The following UNC13C variants were observed in gnomAD, a reference collection of about 807,000 sequenced individuals.
UNC13C encodes the protein unc-13 homolog C.
UNC13C carries 174 observed loss-of-function variants against 245.4 expected under a neutral mutation model. The ratio of observed to expected loss-of-function variants is 0.71; its 90% CI spans 0.63 to 0.80. The LOEUF (loss-of-function observed/expected upper bound fraction) is 0.80, where lower values mean the gene tolerates loss of function less well. Among genes scored for constraint, UNC13C ranks in the 30% least tolerant of loss-of-function variants. UNC13C has a pLI of 0.00. For synonymous variants in UNC13C, 992 were observed against 895.1 expected, an observed-to-expected ratio of 1.11 and a Z score of -1.93; for missense variants, 2,829 against 2,602.9, an observed-to-expected ratio of 1.09 and a Z score of -1.89.
rs985807233 is a variant in UNC13C at position 54,338,547 on chromosome 15, A to G, written c.4713+58A>G. 2.3e-5 allele frequency: 37 copies of G among 1,589,538 alleles called. No individual in the cohort carries two copies. In the Middle Eastern group the frequency reaches 6.7e-4, roughly 29 times the overall value. ...ACTTTTGTTTCTAGTATCTGTTTCCATAAGTTTAGCATAATAGTAAATAGA... is the reference window on the plus strand; with the variant it reads ...ACTTTTGTTTCTAGTATCTGTTTCCGTAAGTTTAGCATAATAGTAAATAGA... On this transcript the variant is annotated intron_variant, in intron 17 of 32. Transcript: ENST00000260323.
chr15:54,148,136 A>G (rs2032359590), intron 4 of UNC13C, among the ~76,000 whole-genome samples: 1 of 152,174 alleles, frequency 6.6e-6, no homozygotes, highest in Admixed American at 6.5e-5. Flanking sequence ...AAATGAAGAG[A>G]CACTGTTGAA....
chr15:54,464,267 A>AT (rs1195828418), intron 19 of UNC13C, among the ~76,000 whole-genome samples: 2 of 152,024 alleles, frequency 1.3e-5, no homozygotes, highest in Admixed American at 6.6e-5. Context: ...TTTTTATTAC[A>AT]TTTTCCATTC....
intron 18 of UNC13C, among the ~76,000 whole-genome samples, chr15:54,408,332 GTTATTAAATTTCCCT>G (rs1468199428): frequency 6.7e-6 from 1 of 149,116 alleles, no homozygotes; most frequent in Non-Finnish European, 1.5e-5. Flanking sequence ...TAAAATGAAC[GTTATTAAATTTCCCT>G]TTACATCTCC....
intron 2 of UNC13C, among the ~76,000 whole-genome samples, chr15:54,094,099 C>T (rs1038156395): frequency 1.3e-5 from 2 of 152,126 alleles, no homozygotes; most frequent in African/African-American, 4.8e-5. Flanking sequence ...GGCAGCAATG[C>T]AAAGGCAGAC....
chr15:54,383,310 C>T, intron 17 of UNC13C, among the ~76,000 whole-genome samples: 1 of 152,086 alleles, frequency 6.6e-6, no homozygotes, highest in East Asian at 1.9e-4. Flanking sequence ...AAACTGAATG[C>T]AACAACACAT....
chr15:54,264,520 A>C, intron 9 of UNC13C, 125 bp downstream of exon 9: 1 of 755,656 alleles, frequency 1.3e-6, no homozygotes, highest in Non-Finnish European at 2.1e-6. Flanking sequence ...TAATATGAAC[A>C]AGACTAGTTG....
chr15:54,587,327 C>G (rs557054783), intron 30 of UNC13C, among the ~76,000 whole-genome samples: 5 of 152,150 alleles, frequency 3.3e-5, no homozygotes, highest in Non-Finnish European at 5.9e-5. Flanking sequence ...ACCCGTGAAA[C>G]ATTTATATGA....
chr15:54,578,383 G>C (rs1231031407), intron 30 of UNC13C, among the ~76,000 whole-genome samples: 1 of 152,120 alleles, frequency 6.6e-6, no homozygotes, highest in African/African-American at 2.4e-5. Context: ...TATATATGAT[G>C]CATTTCTTTA....
intron 1 of UNC13C, among the ~76,000 whole-genome samples, chr15:53,994,053 C>T (rs1284166536): frequency 1.3e-5 from 2 of 151,740 alleles, no homozygotes; most frequent in African/African-American, 4.8e-5. Context: ...TCAATTACAC[C>T]AATACTTGGA....
chr15:53,889,365 G>A, the UNC13C span, among the ~76,000 whole-genome samples: 1 of 152,088 alleles, frequency 6.6e-6, no homozygotes, highest in Non-Finnish European at 1.5e-5. Flanking sequence ...ACTGTTATTG[G>A]TGTATAGGAA....
chr15:54,328,890 C>A (rs1165181325), intron 14 of UNC13C, among the ~76,000 whole-genome samples: 1 of 151,990 alleles, frequency 6.6e-6, no homozygotes, highest in Non-Finnish European at 1.5e-5. Flanking sequence ...TTTCCACATC[C>A]ATAAATCAAG....
chr15:54,516,388 G>A (rs1894976067), intron 24 of UNC13C, among the ~76,000 whole-genome samples: 1 of 152,150 alleles, frequency 6.6e-6, no homozygotes, highest in Non-Finnish European at 1.5e-5. Flanking sequence ...TACCCCCAGT[G>A]TATTTGATTC....
chr15:54,269,195 A>ACTTT (rs1387208228), intron 10 of UNC13C, among the ~76,000 whole-genome samples: 2 of 152,052 alleles, frequency 1.3e-5, no homozygotes, highest in African/African-American at 4.8e-5. Context: ...CATAGGGCTC[A>ACTTT]CTTTCTTTCT....
chr15:54,288,141 T>C (rs535133604), intron 10 of UNC13C, among the ~76,000 whole-genome samples: 1 of 152,292 alleles, frequency 6.6e-6, no homozygotes, highest in Non-Finnish European at 1.5e-5. Context: ...ATACATAGTC[T>C]TTGTATGTAG....
chr15:54,212,623 A>G (rs560661375), intron 4 of UNC13C, among the ~76,000 whole-genome samples: 1 of 152,162 alleles, frequency 6.6e-6, no homozygotes, highest in East Asian at 1.9e-4. Context: ...CCAAATCTAC[A>G]TAGTTTTTCT....
At chr15:53,860,960 A>G in the UNC13C span, among the ~76,000 whole-genome samples, 1 of 152,158 alleles carries the variant, frequency 6.6e-6, no homozygotes, top group South Asian at 2.1e-4. Context: ...GTTGATGTAC[A>G]TTTGATTTTC....
chr15:53,940,962 T>G, the UNC13C span, among the ~76,000 whole-genome samples: 2 of 152,164 alleles, frequency 1.3e-5, no homozygotes, highest in African/African-American at 4.8e-5. Flanking sequence ...AAAATCTATT[T>G]TAAAATTCAT....
intron 30 of UNC13C, among the ~76,000 whole-genome samples, chr15:54,620,873 C>T (rs1034292825): frequency 2.0e-5 from 3 of 151,904 alleles, no homozygotes; most frequent in Non-Finnish European, 2.9e-5. Context: ...GTATGACCTC[C>T]TCTCATGACT....
intron 19 of UNC13C, among the ~76,000 whole-genome samples, chr15:54,421,255 A>G (rs772744573): frequency 9.2e-5 from 14 of 152,108 alleles, no homozygotes; most frequent in Non-Finnish European, 1.8e-4. Flanking sequence ...ACCATTATTC[A>G]TAACATTAAT....
Sources: allele counts gnomAD v4.1 joint callset (sites outside exome capture counted in the v4.1 genomes callset), GRCh38; gene constraint gnomAD v4.1.1; transcripts MANE v1.5; gene names NCBI Gene and HGNC (gene_info 2026-07-23, HGNC 2026-07-21).